Variants in GABRG3 observed in about 807,000 individuals in gnomAD.
GABRG3 encodes the protein gamma-aminobutyric acid type A receptor subunit gamma3, also known as gamma-aminobutyric acid receptor subunit gamma-3.
Under a neutral mutation model 48.8 loss-of-function variants are expected in GABRG3, and 25 were observed. That is an observed-to-expected ratio of 0.51 (90% CI 0.37 to 0.72). The LOEUF (loss-of-function observed/expected upper bound fraction) is 0.72. GABRG3 is among the 30% of genes least tolerant of loss of function. The pLI, the probability that GABRG3 is intolerant of heterozygous loss-of-function variation, is 0.00. For missense variants in GABRG3, 394 were observed against 577.9 expected (o/e 0.68, Z 3.26); for synonymous variants, 227 against 217.6 (o/e 1.04, Z -0.38).
chr15:27,103,979 A>G (rs1023426705), intron 3 of GABRG3, among the ~76,000 whole-genome samples: 1 of 152,188 alleles, frequency 6.6e-6, no homozygotes, highest in African/African-American at 2.4e-5. Flanking sequence ...ATAAATAAGC[A>G]CTTGTATTAA....
At chr15:27,353,366 C>T (rs1894697902) in intron 5 of GABRG3, among the ~76,000 whole-genome samples, 1 of 152,126 alleles carries the variant, frequency 6.6e-6, no homozygotes, top group African/African-American at 2.4e-5. Flanking sequence ...CCTGCAGCAG[C>T]TCTTCTCTTA....
intron 3 of GABRG3, among the ~76,000 whole-genome samples, chr15:27,112,106 T>C (rs1418107962): frequency 6.6e-6 from 1 of 152,182 alleles, no homozygotes; most frequent in Non-Finnish European, 1.5e-5. Flanking sequence ...ACTCTCAAGC[T>C]AGTCCACACT....
chr15:27,156,566 T>C (rs557207446), intron 3 of GABRG3, among the ~76,000 whole-genome samples: 4 of 152,282 alleles, frequency 2.6e-5, no homozygotes, highest in Admixed American at 1.3e-4. Context: ...CTCAGTCTTA[T>C]TATGATTGTT....
intron 3 of GABRG3, among the ~76,000 whole-genome samples, chr15:27,268,555 T>C (rs935240502): frequency 6.6e-6 from 1 of 152,170 alleles, no homozygotes; most frequent in African/African-American, 2.4e-5. Context: ...CTTCTATTTT[T>C]TGGAGGCAGA....
chr15:27,498,798 G>A (rs553549910), intron 6 of GABRG3, among the ~76,000 whole-genome samples: 7 of 152,002 alleles, frequency 4.6e-5, no homozygotes, highest in Admixed American at 2.0e-4. Flanking sequence ...GAGCCACCAC[G>A]CCCGGCCAGA....
At chr15:27,375,162 G>C (rs898689399) in intron 5 of GABRG3, among the ~76,000 whole-genome samples, 1 of 152,126 alleles carries the variant, frequency 6.6e-6, no homozygotes, top group East Asian at 1.9e-4. Context: ...AAGTATGTAG[G>C]TGTGTTGACA....
intron 5 of GABRG3, among the ~76,000 whole-genome samples, chr15:27,366,976 C>G (rs903383260): frequency 1.3e-5 from 2 of 152,166 alleles, no homozygotes; most frequent in African/African-American, 4.8e-5. Context: ...GACCCTCTGT[C>G]AGCTCACTTC....
chr15:27,338,097 T>G (rs190881403), intron 5 of GABRG3, among the ~76,000 whole-genome samples: 157 of 152,200 alleles, frequency 1.0e-3, no homozygotes, highest in African/African-American at 3.1e-3. Flanking sequence ...TTGGGGGAGA[T>G]TCTGCTATTA....
intron 3 of GABRG3, among the ~76,000 whole-genome samples, chr15:27,069,414 GTTACA>G (rs1896790340): frequency 1.3e-5 from 2 of 152,158 alleles, no homozygotes. Flanking sequence ...CAATGAATGA[GTTACA>G]TGAAAAAGTT....
intron 2 of GABRG3, among the ~76,000 whole-genome samples, chr15:27,026,282 G>T (rs759877398): frequency 6.6e-6 from 1 of 152,142 alleles, no homozygotes. Context: ...GCCTTGAGTT[G>T]CTTTGCTTTG....
chr15:27,062,315 G>A (rs938639746), intron 3 of GABRG3, among the ~76,000 whole-genome samples: 5 of 151,550 alleles, frequency 3.3e-5, no homozygotes, highest in Non-Finnish European at 5.9e-5. Flanking sequence ...ACTGAGTATC[G>A]GCTGGGTGTG....
chr15:27,029,304 C>G (rs186423985), intron 3 of GABRG3, among the ~76,000 whole-genome samples: 1 of 152,150 alleles, frequency 6.6e-6, no homozygotes, highest in Non-Finnish European at 1.5e-5. Context: ...GCGCCGAGGC[C>G]GCAGTCAGCG....
intron 8 of GABRG3, 34 bp downstream of exon 8, chr15:27,527,663 A>G: frequency 6.4e-7 from 1 of 1,556,370 alleles, no homozygotes; most frequent in Non-Finnish European, 8.7e-7. Flanking sequence ...TCCGGGAGGT[A>G]ATGGGGGCGC....
At chr15:27,306,226 A>G (rs1213399665) in intron 3 of GABRG3, among the ~76,000 whole-genome samples, 1 of 85,336 alleles carries the variant, frequency 1.2e-5, no homozygotes, top group Non-Finnish European at 2.2e-5. Context: ...ATATAAACAT[A>G]TGTTCTATAT....
At chr15:27,374,011 A>G (rs2140558259) in intron 5 of GABRG3, among the ~76,000 whole-genome samples, 1 of 152,110 alleles carries the variant, frequency 6.6e-6, no homozygotes, top group East Asian at 1.9e-4. Context: ...TTCTCATCTC[A>G]GAGGAGATTC....
At chr15:27,122,489 G>A (rs188982045) in intron 3 of GABRG3, among the ~76,000 whole-genome samples, 2 of 152,342 alleles carry the variant, frequency 1.3e-5, no homozygotes, top group Admixed American at 1.3e-4. Context: ...CTGCACTGTT[G>A]TTAACCAGTC....
intron 3 of GABRG3, among the ~76,000 whole-genome samples, chr15:27,269,165 C>A (rs975929339): frequency 1.3e-5 from 2 of 152,176 alleles, no homozygotes; most frequent in African/African-American, 4.8e-5. Flanking sequence ...TCCACTGCCC[C>A]CTAACCAATC....
chr15:27,217,591 G>A (rs888067510), intron 3 of GABRG3, among the ~76,000 whole-genome samples: 2 of 152,196 alleles, frequency 1.3e-5, no homozygotes, highest in Non-Finnish European at 2.9e-5. Flanking sequence ...CCTGCTCCGT[G>A]CTGTGGCCTC....
At chr15:27,289,098 T>G (rs535367570) in intron 3 of GABRG3, among the ~76,000 whole-genome samples, 1 of 152,352 alleles carries the variant, frequency 6.6e-6, no homozygotes, top group East Asian at 1.9e-4. Flanking sequence ...TTTGAGATTT[T>G]ATCTGTGGTT....
Sources: gnomAD v4.1 joint callset for allele counts (sites outside exome capture counted in the v4.1 genomes callset) on GRCh38, gnomAD v4.1.1 for gene constraint, MANE v1.5 for transcripts, NCBI Gene and HGNC (gene_info 2026-07-23, HGNC 2026-07-21) for gene names.